The following SUMF2 variants were observed in gnomAD, a reference collection of about 807,000 sequenced individuals.
SUMF2 encodes the protein sulfatase modifying factor 2.
Under a neutral mutation model 44.8 loss-of-function variants are expected in SUMF2, and 45 were observed. The observed-to-expected ratio is 1.00, with a 90% CI of 0.79 to 1.29. The LOEUF (loss-of-function observed/expected upper bound fraction) is 1.29. SUMF2 is among the 50% of genes most tolerant of loss of function. The probability of loss-of-function intolerance (pLI) is 0.00; values close to 1 mark genes in which losing one functional copy is unlikely to be tolerated. For synonymous variants in SUMF2, 148 were observed against 150.4 expected, an observed-to-expected ratio of 0.98 and a Z score of 0.12; for missense variants, 418 against 389.9, an observed-to-expected ratio of 1.07 and a Z score of -0.61.
At chr7:56,074,388 TC>T in intron 4 of SUMF2, 170 bp downstream of exon 4, 2 of 981,286 alleles carry the variant, frequency 2.0e-6, no homozygotes, top group South Asian at 3.3e-5. Flanking sequence ...GAATCCTGTT[TC>T]CTGTTACCCA....
downstream of SUMF2, chr7:56,083,319 A>C (rs1796105599): frequency 2.5e-6 from 4 of 1,613,922 alleles, no homozygotes; most frequent in Non-Finnish European, 3.4e-6. Context: ...GGAAAAGCCA[A>C]AGTCTGTGAG....
At chr7:56,065,220 G>A (rs1794702696) in intron 1 of SUMF2, among the ~76,000 whole-genome samples, 1 of 149,994 alleles carries the variant, frequency 6.7e-6, no homozygotes, top group South Asian at 2.1e-4. Flanking sequence ...AAAGGAAAAA[G>A]GAGAATATAA....
At chr7:56,081,533 T>A, downstream of SUMF2, 4 of 1,431,130 alleles carry the variant, frequency 2.8e-6, no homozygotes, top group African/African-American at 5.6e-5. This position sits in a 1 kb window ranked among gnomAD's most constrained non-coding sequence, Gnocchi z 4.6. Context: ...GGATGGGTAC[T>A]CTGGAAATTC....
At position 56,064,344 on chromosome 7, in the gene SUMF2, G is replaced by T; in HGVS notation, c.33G>T (p.Leu11=). 6.2e-7 allele frequency: 1 copy of T among 1,603,038 alleles called. No individual in the cohort carries two copies. Residue 11 remains leucine, a synonymous_variant, in exon 1 of 9, where the codon CTG becomes CTT. Coordinates refer to ENST00000434526, the MANE Select transcript of SUMF2 (RefSeq NM_015411.4). The part of the protein sequence containing the change: MARHGLPLLP[L]LSLLVGAWLK... Reference sequence around the variant, plus strand: ...GGCATGGGTTACCGCTGCTGCCCCTGCTGTCGCTCCTGGTCGGCGCGTGGC... The same window carrying T: ...GGCATGGGTTACCGCTGCTGCCCCTTCTGTCGCTCCTGGTCGGCGCGTGGC...
At chr7:56,082,189 G>C (rs1477842509), downstream of SUMF2, 2 of 1,613,980 alleles carry the variant, frequency 1.2e-6, no homozygotes, top group Non-Finnish European at 1.7e-6. Flanking sequence ...CGTAGCCCGG[G>C]TGGTCCTCAT....
At chr7:56,083,445 G>A, downstream of SUMF2, 2 of 1,614,036 alleles carry the variant, frequency 1.2e-6, no homozygotes, top group Non-Finnish European at 1.7e-6. Context: ...GATCTTTCTA[G>A]GGTGGGGCAC....
intron 5 of SUMF2, among the ~76,000 whole-genome samples, chr7:56,076,093 C>T (rs1238308015): frequency 6.8e-6 from 1 of 148,036 alleles, no homozygotes; most frequent in African/African-American, 2.5e-5. Flanking sequence ...GTGGCGCGAT[C>T]GCGGCTCACT....
chr7:56,074,014 C>CAAAAAAAAA, intron 3 of SUMF2, 160 bp from the exon 4 acceptor site: 1 of 317,504 alleles, frequency 3.1e-6, no homozygotes, highest in African/African-American at 5.7e-5. Flanking sequence ...GATCTTGTCT[C>CAAAAAAAAA]AAAAAAAAAA....
intron 2 of SUMF2, among the ~76,000 whole-genome samples, chr7:56,071,363 T>G (rs1215187500): frequency 6.6e-6 from 1 of 151,492 alleles, no homozygotes; most frequent in East Asian, 1.9e-4. Flanking sequence ...TCTCAAAATA[T>G]AAATAATTAA....
intron 1 of SUMF2, among the ~76,000 whole-genome samples, chr7:56,066,937 T>C (rs1367802684): frequency 6.6e-6 from 1 of 152,184 alleles, no homozygotes; most frequent in Admixed American, 6.6e-5. Context: ...TTTAATTCTA[T>C]GATTTTCTGA....
intron 3 of SUMF2, chr7:56,073,669 C>T: frequency 5.8e-6 from 1 of 173,426 alleles, no homozygotes; most frequent in Non-Finnish European, 1.2e-5. Flanking sequence ...AGAGAGATCA[C>T]CTTGGCAAGC....
At chr7:56,081,344 C>T (rs781236236), downstream of SUMF2, 5 of 1,563,986 alleles carry the variant, frequency 3.2e-6, no homozygotes, top group Non-Finnish European at 3.4e-6. This position sits in a 1 kb window ranked among gnomAD's most constrained non-coding sequence, Gnocchi z 4.6. Context: ...CCCGCCCTGC[C>T]AGGCCCTGCC....
chr7:56,079,000 G>A (rs773711536), intron 8 of SUMF2: 10 of 616,806 alleles, frequency 1.6e-5, no homozygotes, highest in South Asian at 3.8e-5. Flanking sequence ...AGGCTCTAGC[G>A]ATTCTTCCAC....
intron 2 of SUMF2, among the ~76,000 whole-genome samples, chr7:56,070,242 C>T (rs1270109479): frequency 1.3e-5 from 2 of 152,002 alleles, no homozygotes; most frequent in African/African-American, 2.4e-5. Flanking sequence ...TTTTTCACTT[C>T]TATTTGGTTC....
chr7:56,078,731 C>T (rs189724134), intron 8 of SUMF2, among the ~76,000 whole-genome samples: 4 of 152,264 alleles, frequency 2.6e-5, no homozygotes, highest in Admixed American at 2.0e-4. Context: ...GACTCTCCTG[C>T]CAGCTCTTGG....
intron 6 of SUMF2, among the ~76,000 whole-genome samples, chr7:56,077,504 A>T (rs1795642812): frequency 6.6e-6 from 1 of 151,324 alleles, no homozygotes; most frequent in African/African-American, 2.4e-5. Context: ...TCTACAAAAA[A>T]TAAAAGATGA....
intron 1 of SUMF2, among the ~76,000 whole-genome samples, chr7:56,068,230 G>A (rs923043324): frequency 2.6e-5 from 4 of 151,586 alleles, no homozygotes; most frequent in African/African-American, 4.8e-5. Context: ...AGTAGAGAAG[G>A]GGTTTCACCG....
At chr7:56,082,269 T>A, downstream of SUMF2, 1 of 1,603,934 alleles carries the variant, frequency 6.2e-7, no homozygotes. Context: ...GGAACAGTCA[T>A]CATCAGGGCA....
In SUMF2 at chr7:56,080,084, C is replaced by A; in HGVS notation, c.*472C>A. ...TGTGGCCTCATCTGTGGTTTCGTGTCCCTCTGAAGGAAACTAGTTTCCACT... is the reference window on the plus strand; with the variant it reads ...TGTGGCCTCATCTGTGGTTTCGTGTACCTCTGAAGGAAACTAGTTTCCACT... On this transcript the variant is annotated 3_prime_UTR_variant, in exon 9 of 9. Transcript: ENST00000434526. The A allele has an allele frequency of 1.8e-6, 1 of 570,730 alleles. No individual in the cohort carries two copies. The highest frequency in any genetic ancestry group is 3.1e-6 in the Non-Finnish European group (1 of 324,148). 35.4% of individuals were successfully genotyped at this position (570,730 alleles called of 1,614,324 possible).
Sources: allele counts gnomAD v4.1 joint callset (sites outside exome capture counted in the v4.1 genomes callset), GRCh38; gene constraint gnomAD v4.1.1; non-coding constraint Gnocchi (gnomAD v3.1); transcripts MANE v1.5; gene names NCBI Gene and HGNC (gene_info 2026-07-23, HGNC 2026-07-21).